The following CYBB variants were observed in gnomAD, a reference collection of about 807,000 sequenced individuals.
CYBB encodes the protein cytochrome b-245 beta chain, also known as NADPH oxidase 2.
CYBB carries 5 observed loss-of-function variants against 46.5 expected under a neutral mutation model. The observed-to-expected ratio is 0.11, with a 90% CI of 0.06 to 0.23. The LOEUF is 0.23. Ranked by LOEUF, CYBB falls within the 10% of genes least tolerant of loss-of-function variation. The probability of loss-of-function intolerance (pLI) is 1.00; values close to 1 mark genes in which losing one functional copy is unlikely to be tolerated. For synonymous variants in CYBB, 183 were observed against 156.7 expected (o/e 1.17, Z -1.26); for missense variants, 307 against 428.3 (o/e 0.72, Z 2.50).
chrX:37,803,740 G>A, intron 8 of CYBB, 137 bp from the exon 9 acceptor site: 1 of 602,786 alleles, frequency 1.7e-6, no homozygotes, highest in Non-Finnish European at 2.8e-6. Context: ...AGACACATCT[G>A]CTGGAGGAAC....
chrX:37,799,346 A>G (rs1777316472), intron 7 of CYBB, among the ~76,000 whole-genome samples: 1 of 111,928 alleles, frequency 8.9e-6, no homozygotes, highest in African/African-American at 3.2e-5. Context: ...GTTTTGGTTC[A>G]AGAAGTTCCA....
In CYBB at chrX:37,812,567, T is replaced by C. The variant is rs889790620; in HGVS notation, c.*1650T>C. 1.8e-5 allele frequency: 2 copies of C among 111,947 alleles called. No individual in the cohort carries two copies. Among genetic ancestry groups the C allele is most frequent in the African/African-American group, 6.5e-5 (2 of 30,734 alleles). The allele number at this position is 111,947 out of a possible 1,213,427, so 9.2% of individuals were successfully genotyped here. On this transcript the variant is annotated 3_prime_UTR_variant, in exon 13 of 13. Coordinates refer to ENST00000378588, the MANE Select transcript of CYBB (RefSeq NM_000397.4). ...ATTGAAGGAGGTATACACATATTGATGTTGTTTTGATTATCTATGGTATTG... is the reference window on the plus strand; with the variant it reads ...ATTGAAGGAGGTATACACATATTGACGTTGTTTTGATTATCTATGGTATTG...
chrX:37,806,996 A>G (rs1180930868), intron 11 of CYBB, among the ~76,000 whole-genome samples: 6 of 110,901 alleles, frequency 5.4e-5, no homozygotes, highest in African/African-American at 2.0e-4. Context: ...AGCAATATGC[A>G]TTCAGTAGAA....
rs147710127 is a variant in CYBB at position 37,799,560 on chromosome X, A to G, written c.804+476A>G. Reference sequence around the variant, plus strand: ...GTACATAAGGCTACCTTTAGGCATTAGGAGTTTTCTGTTTATGAGGCATAA... The same window carrying G: ...GTACATAAGGCTACCTTTAGGCATTGGGAGTTTTCTGTTTATGAGGCATAA... On this transcript the variant is annotated intron_variant, in intron 7 of 12. Transcript: ENST00000378588. Among the ~76,000 whole-genome samples the G allele has an allele frequency of 5.4e-3, 604 of 112,139 alleles. 9 individuals carry two copies. The highest frequency in any genetic ancestry group is 0.017 in the African/African-American group (528 of 30,883).
At chrX:37,805,269 G>T in intron 10 of CYBB, 101 bp downstream of exon 10, 4 of 878,785 alleles carry the variant, frequency 4.6e-6, no homozygotes. Flanking sequence ...GAGACCATGG[G>T]AAGTGAAGAA....
At chrX:37,787,525 T>C (rs1169394043) in intron 3 of CYBB, among the ~76,000 whole-genome samples, 7 of 112,212 alleles carry the variant, frequency 6.2e-5, no homozygotes, top group African/African-American at 1.9e-4. Context: ...TGGTAGTTTA[T>C]TGAAATCGGG....
chrX:37,811,388 T>A lies in CYBB; in HGVS notation c.*471T>A, dbSNP rs1244840479. ...GGAGTAGCTATATATTTCTACTTTG[T>A]GTCATTTTTGCCATCATTATTATCA... On this transcript the variant is annotated 3_prime_UTR_variant, in exon 13 of 13. Coordinates refer to ENST00000378588, the MANE Select transcript of CYBB (RefSeq NM_000397.4). 1 of 132,376 alleles carries A rather than the reference T, an allele frequency of 7.6e-6. No individual in the cohort carries two copies. Among genetic ancestry groups the A allele is most frequent in the Non-Finnish European group, 1.5e-5 (1 of 66,151 alleles). The allele number at this position is 132,376 out of a possible 1,213,427, so 10.9% of individuals were successfully genotyped here.
At chrX:37,808,143 A>C (rs1393924890) in intron 11 of CYBB, among the ~76,000 whole-genome samples, 2 of 111,948 alleles carry the variant, frequency 1.8e-5, no homozygotes, top group Non-Finnish European at 3.8e-5. Flanking sequence ...AAAACACCCA[A>C]GACTGGGTAG....
chrX:37,784,358 G>T (rs1275954441), intron 3 of CYBB, among the ~76,000 whole-genome samples: 3 of 111,859 alleles, frequency 2.7e-5, no homozygotes, highest in African/African-American at 9.8e-5. Context: ...AAGCAAGAGA[G>T]AAGTTGTGTC....
chrX:37,790,970 GT>G (rs1346629153), intron 3 of CYBB, among the ~76,000 whole-genome samples: 4 of 111,444 alleles, frequency 3.6e-5, no homozygotes, highest in African/African-American at 1.3e-4. Flanking sequence ...GTTTAAATCA[GT>G]TTTTTTCTTT....
rs1443696384 is a variant in CYBB, at chrX:37,789,477, AAGAAAGAAAGAAAGAAAG to A, written c.253-2483_253-2466del. Among the ~76,000 whole-genome samples, 280 of 70,257 alleles carry A rather than the reference AAGAAAGAAAGAAAGAAAG, an allele frequency of 4.0e-3. 1 individual carries two copies. The highest frequency in any genetic ancestry group is 0.014 in the African/African-American group (270 of 19,697). 61.0% of individuals were successfully genotyped at this position (70,257 alleles called of 115,157 possible). A position where few individuals can be genotyped will look rare whatever the true frequency, so the allele number is the denominator to read the frequency against. ...AAGAAGCCAAAGAAAGAAAGAAGGA[AAGAAAGAAAGAAAGAAAG>A]AGAAAGAAAGAAAGGAAGAAAGAAA... On this transcript the variant is annotated intron_variant, in intron 3 of 12. Transcript: ENST00000378588.
intron 9 of CYBB, 129 bp from the exon 10 acceptor site, chrX:37,804,877 G>A: frequency 1.4e-6 from 1 of 693,813 alleles, no homozygotes; most frequent in Admixed American, 2.6e-5. Flanking sequence ...TTCATAGAAG[G>A]AAGCACCCAA....
chrX:37,811,149 G>A lies in CYBB; in HGVS notation c.*232G>A. The A allele has an allele frequency of 3.2e-6, 1 of 308,911 alleles. No individual in the cohort carries two copies. The highest frequency in any genetic ancestry group is 3.7e-5 in the South Asian group (1 of 26,686). 25.5% of individuals were successfully genotyped at this position (308,911 alleles called of 1,213,427 possible). On this transcript the variant is annotated 3_prime_UTR_variant, in exon 13 of 13. Coordinates refer to ENST00000378588, the MANE Select transcript of CYBB (RefSeq NM_000397.4). ...ACATTATTTCATTTTTTTCCTCTCA[G>A]TAATGTCAGTGGAAGTTAGGGAAAA...
In CYBB at chrX:37,811,986, G is replaced by C. The variant is rs984015078; in HGVS notation, c.*1069G>C. The C allele has an allele frequency of 9.0e-6, 1 of 111,115 alleles. No homozygotes were observed. Among genetic ancestry groups the C allele is most frequent in the African/African-American group, 3.3e-5 (1 of 30,488 alleles). 9.2% of individuals were successfully genotyped at this position (111,115 alleles called of 1,213,427 possible). ...CTAGCCCTTATGAATATTGAACTTAGGAATTGTGACAAATATGTATCTGAT... is the reference window on the plus strand; with the variant it reads ...CTAGCCCTTATGAATATTGAACTTACGAATTGTGACAAATATGTATCTGAT... On this transcript the variant is annotated 3_prime_UTR_variant, in exon 13 of 13. Transcript: ENST00000378588.
chrX:37,787,348 T>G (rs1929092723), intron 3 of CYBB, among the ~76,000 whole-genome samples: 1 of 112,146 alleles, frequency 8.9e-6, no homozygotes, highest in Non-Finnish European at 1.9e-5. Context: ...TGAGATCAAG[T>G]GTACAAAAAG....
intron 4 of CYBB, among the ~76,000 whole-genome samples, chrX:37,792,683 T>C (rs1224226945): frequency 1.8e-5 from 2 of 110,956 alleles, no homozygotes; most frequent in Non-Finnish European, 3.8e-5. Flanking sequence ...ATCATTCATG[T>C]GCCAGAGAAT....
chrX:37,810,259 C>A (rs782605612), intron 12 of CYBB, among the ~76,000 whole-genome samples: 1 of 112,067 alleles, frequency 8.9e-6, no homozygotes, highest in Non-Finnish European at 1.9e-5. Flanking sequence ...AAGGAGCATA[C>A]AAAGTGCCTG....
At chrX:37,791,464 T>C (rs782714095) in intron 3 of CYBB, among the ~76,000 whole-genome samples, 4 of 111,903 alleles carry the variant, frequency 3.6e-5, no homozygotes, top group Non-Finnish European at 7.5e-5. Context: ...CCTGTGATGT[T>C]GTTCACCTAC....
rs1929384822 is a variant in CYBB, at chrX:37,799,218, T to G, written c.804+134T>G. 8.3e-6 allele frequency: 5 copies of G among 602,611 alleles called. No individual in the cohort carries two copies. The South Asian group carries it at 1.3e-4, about 15-fold the overall frequency. The allele number at this position is 602,611 out of a possible 1,213,427, so 49.7% of individuals were successfully genotyped here. The stretch of plus-strand genomic sequence containing the variant: ...TGTCATGGAACAGCTAAAACATGTG[T>G]CTACTTTTCTCTGCTATACTTATTG... On this transcript the variant is annotated intron_variant, in intron 7 of 12. Coordinates refer to ENST00000378588, the MANE Select transcript of CYBB (RefSeq NM_000397.4).
Sources: allele counts gnomAD v4.1 joint callset (sites outside exome capture counted in the v4.1 genomes callset), GRCh38; gene constraint gnomAD v4.1.1; transcripts MANE v1.5; gene names NCBI Gene and HGNC (gene_info 2026-07-23, HGNC 2026-07-21).